The following EPHB1 variants were observed in gnomAD, a reference collection of about 807,000 sequenced individuals.
EPHB1 encodes ephrin type-B receptor 1.
In EPHB1, 30 loss-of-function variants were observed where a neutral mutation model predicts 94.4. The ratio of observed to expected loss-of-function variants is 0.32; its 90% CI spans 0.24 to 0.43. The LOEUF (loss-of-function observed/expected upper bound fraction) is 0.43. Ranked by LOEUF, EPHB1 falls within the 20% of genes least tolerant of loss-of-function variation. The pLI, the probability that EPHB1 is intolerant of heterozygous loss-of-function variation, is 1.00. For synonymous variants in EPHB1, 522 were observed against 489.1 expected, an observed-to-expected ratio of 1.07 and a Z score of -0.89; for missense variants, 1,055 against 1,308.3, an observed-to-expected ratio of 0.81 and a Z score of 2.99.
intron 4 of EPHB1, among the ~76,000 whole-genome samples, chr3:135,109,584 G>A (rs1435825459): frequency 4.6e-5 from 7 of 152,224 alleles, no homozygotes; most frequent in Admixed American, 2.6e-4. Context: ...TAAAAGTGAT[G>A]TTGTTGGGGG....
intron 1 of EPHB1, among the ~76,000 whole-genome samples, chr3:134,816,751 G>A (rs1011037537): frequency 6.6e-6 from 1 of 151,834 alleles, no homozygotes; most frequent in Non-Finnish European, 1.5e-5. Flanking sequence ...CATAGACTTG[G>A]AGGGCCAATG....
intron 1 of EPHB1, among the ~76,000 whole-genome samples, chr3:134,901,541 G>A (rs957198459): frequency 6.6e-6 from 1 of 152,208 alleles, no homozygotes; most frequent in Non-Finnish European, 1.5e-5. Context: ...GCCCAGTTTG[G>A]TTTCCCCACA....
chr3:134,882,765 C>CCTTTCTTTCTTCTTTCTTTCTTTCTTT lies in EPHB1; in HGVS notation c.59-43040_59-43039insCTTTCTTTCTTTCTTTCTTTCTTTCTT, dbSNP rs1553861898. 2.5e-3 allele frequency among the ~76,000 whole-genome samples: 202 copies of CCTTTCTTTCTTCTTTCTTTCTTTCTTT among 79,914 alleles called. 9 individuals carry two copies. The highest frequency in any genetic ancestry group is 8.4e-3 in the South Asian group (17 of 2,020). The allele number at this position is 79,914 out of a possible 152,430, so 52.4% of individuals were successfully genotyped here. A position where few individuals can be genotyped will look rare whatever the true frequency, so the allele number is the denominator to read the frequency against. On this transcript the variant is annotated intron_variant, in intron 1 of 15. Transcript: ENST00000398015. ...TTCTTTCTTCCTTTCTTCCTTCCTT[C>CCTTTCTTTCTTCTTTCTTTCTTTCTTT]CTTTCTTTCTTTCTTTCTTTCTTTC...
intron 1 of EPHB1, among the ~76,000 whole-genome samples, chr3:134,882,687 TCTTCTTTC>T (rs767848915): frequency 4.0e-5 from 6 of 150,636 alleles, no homozygotes; most frequent in African/African-American, 7.3e-5. Flanking sequence ...CTTCTTTCCT[TCTTCTTTC>T]CTTCTTTCCT....
At chr3:134,803,580 A>G (rs1160491720) in intron 1 of EPHB1, among the ~76,000 whole-genome samples, 2 of 152,198 alleles carry the variant, frequency 1.3e-5, no homozygotes, top group African/African-American at 4.8e-5. Flanking sequence ...CCAGGATTAG[A>G]TTATGCTCCC....
At chr3:135,038,367 C>T (rs1936714679) in intron 3 of EPHB1, among the ~76,000 whole-genome samples, 1 of 152,228 alleles carries the variant, frequency 6.6e-6, no homozygotes, top group African/African-American at 2.4e-5. Flanking sequence ...GCATGTGCTG[C>T]TTCCTCTTTG....
At chr3:135,067,199 A>G (rs1002672891) in intron 3 of EPHB1, among the ~76,000 whole-genome samples, 4 of 152,154 alleles carry the variant, frequency 2.6e-5, no homozygotes, top group African/African-American at 9.7e-5. Context: ...TCAAGAGAGC[A>G]TCAGCTGTGG....
chr3:135,199,641 C>A (rs1035070551), intron 11 of EPHB1, among the ~76,000 whole-genome samples: 4 of 152,194 alleles, frequency 2.6e-5, no homozygotes, highest in Non-Finnish European at 4.4e-5. Context: ...CTTCTACTGG[C>A]AGACATCTTT....
chr3:135,076,546 A>G lies in EPHB1; in HGVS notation c.806-29902A>G, dbSNP rs146063931. Reference sequence around the variant, plus strand: ...TGGAAAACAGTTTGGCAGTTTCTTAAGTTAATTATAAGTTTACCATATGAC... The same window carrying G: ...TGGAAAACAGTTTGGCAGTTTCTTAGGTTAATTATAAGTTTACCATATGAC... On this transcript the variant is annotated intron_variant, in intron 3 of 15. Transcript: ENST00000398015. 7.4e-4 allele frequency among the ~76,000 whole-genome samples: 112 copies of G among 152,320 alleles called. 1 individual carries two copies. The Middle Eastern group carries it at 0.01, about 14-fold the overall frequency.
intron 3 of EPHB1, among the ~76,000 whole-genome samples, chr3:135,069,645 C>T (rs554606599): frequency 2.0e-4 from 31 of 152,132 alleles, no homozygotes; most frequent in Non-Finnish European, 4.0e-4. Context: ...CCTTCCAGAG[C>T]CCAAGTGCTG....
At chr3:134,844,778 T>C (rs2036839511) in intron 1 of EPHB1, among the ~76,000 whole-genome samples, 1 of 152,244 alleles carries the variant, frequency 6.6e-6, no homozygotes, top group Non-Finnish European at 1.5e-5. Flanking sequence ...ATTTCCAGGA[T>C]GCTGAGATGA....
intron 3 of EPHB1, among the ~76,000 whole-genome samples, chr3:135,098,782 C>T (rs1349605013): frequency 3.9e-5 from 6 of 152,004 alleles, no homozygotes; most frequent in Non-Finnish European, 5.9e-5. Flanking sequence ...GAAGCCGAGG[C>T]GGATGGATCA....
intron 1 of EPHB1, among the ~76,000 whole-genome samples, chr3:134,860,968 G>A (rs185531253): frequency 6.6e-6 from 1 of 152,242 alleles, no homozygotes; most frequent in Admixed American, 6.5e-5. Flanking sequence ...TGCACGTTTT[G>A]TTTTACTATG....
At position 135,021,933 on chromosome 3, in the gene EPHB1, T is replaced by C. The variant is rs565507564; in HGVS notation, c.805+69881T>C. 2.6e-5 allele frequency among the ~76,000 whole-genome samples: 4 copies of C among 152,368 alleles called. No homozygotes were observed. The East Asian group carries it at 5.8e-4, about 22-fold the overall frequency. On this transcript the variant is annotated intron_variant, in intron 3 of 15. Coordinates refer to ENST00000398015, the MANE Select transcript of EPHB1 (RefSeq NM_004441.5). Reference sequence around the variant, plus strand: ...TACTATTAATGAAAACATATGAAACTATATTTCAATTTTAGGATCAACCTT... The same window carrying C: ...TACTATTAATGAAAACATATGAAACCATATTTCAATTTTAGGATCAACCTT...
intron 3 of EPHB1, among the ~76,000 whole-genome samples, chr3:135,060,044 AT>A (rs1369097393): frequency 2.0e-5 from 3 of 152,238 alleles, no homozygotes; most frequent in African/African-American, 7.2e-5. Context: ...ATTGAAATAT[AT>A]TTAACGTACT....
chr3:135,142,138 T>A (rs1940850826), intron 5 of EPHB1, among the ~76,000 whole-genome samples: 1 of 152,030 alleles, frequency 6.6e-6, no homozygotes, highest in Non-Finnish European at 1.5e-5. Context: ...CTCTGGAAGG[T>A]GGGAAATAAG....
At chr3:135,046,185 A>G (rs1238012102) in intron 3 of EPHB1, among the ~76,000 whole-genome samples, 3 of 152,186 alleles carry the variant, frequency 2.0e-5, no homozygotes, top group African/African-American at 7.2e-5. Flanking sequence ...TAATGAGTTT[A>G]TTATTGGAGT....
rs2039242095 is a variant in EPHB1 at position 134,947,854 on chromosome 3, G to A, written c.124-3517G>A. On this transcript the variant is annotated intron_variant, in intron 2 of 15. Transcript: ENST00000398015. The stretch of plus-strand genomic sequence containing the variant: ...CTGTCACCCAGGCTGGAGTACAGTG[G>A]TGCGAGCATGGCTTACTGCAGCCCC... Among the ~76,000 whole-genome samples, 2 of 152,178 alleles carry A rather than the reference G, an allele frequency of 1.3e-5. 1 individual carries two copies. Among genetic ancestry groups the A allele is most frequent in the South Asian group, 4.1e-4 (2 of 4,836 alleles).
intron 3 of EPHB1, among the ~76,000 whole-genome samples, chr3:135,021,942 A>G (rs936273993): frequency 2.0e-5 from 3 of 152,206 alleles, no homozygotes; most frequent in Non-Finnish European, 4.4e-5. Context: ...CTATATTTCA[A>G]TTTTAGGATC....
Sources: gnomAD v4.1 joint callset for allele counts (sites outside exome capture counted in the v4.1 genomes callset) on GRCh38, gnomAD v4.1.1 for gene constraint, MANE v1.5 for transcripts, NCBI Gene and HGNC (gene_info 2026-07-23, HGNC 2026-07-21) for gene names.